Variants in XKR9 observed in about 807,000 individuals in gnomAD.
XKR9 encodes XK-related protein 9.
Under a neutral mutation model 32.0 loss-of-function variants are expected in XKR9, and 32 were observed. That is an observed-to-expected ratio of 1.00 (90% CI 0.76 to 1.34). The LOEUF (loss-of-function observed/expected upper bound fraction) is 1.34. Among genes scored for constraint, XKR9 ranks in the 40% most tolerant of loss-of-function variants. The probability of loss-of-function intolerance (pLI) is 0.00; values close to 1 mark genes in which losing one functional copy is unlikely to be tolerated. For synonymous variants in XKR9, 168 were observed against 143.4 expected (o/e 1.17, Z -1.22); for missense variants, 546 against 429.7 (o/e 1.27, Z -2.39).
chr8:70,760,946 A>G (rs1807300624), intron 2 of XKR9, among the ~76,000 whole-genome samples: 1 of 152,132 alleles, frequency 6.6e-6, no homozygotes, highest in African/African-American at 2.4e-5. Context: ...TCCCACTTAC[A>G]TGTGAGAACA....
At chr8:70,989,951 T>G in the XKR9 span, among the ~76,000 whole-genome samples, 2 of 152,200 alleles carry the variant, frequency 1.3e-5, no homozygotes. Context: ...TCATTTTGTG[T>G]CTCGCTAATT....
chr8:70,850,442 T>A, the XKR9 span, among the ~76,000 whole-genome samples: 3 of 121,096 alleles, frequency 2.5e-5, no homozygotes, highest in African/African-American at 9.7e-5. Flanking sequence ...CCAGCCCTGG[T>A]GACACAGCAA....
the XKR9 span, among the ~76,000 whole-genome samples, chr8:70,851,606 C>A: frequency 6.6e-6 from 1 of 152,080 alleles, no homozygotes; most frequent in Non-Finnish European, 1.5e-5. Flanking sequence ...TGGAACAGAA[C>A]AGAGGCCTCA....
chr8:71,012,186 C>G, the XKR9 span, among the ~76,000 whole-genome samples: 1 of 152,038 alleles, frequency 6.6e-6, no homozygotes, highest in African/African-American at 2.4e-5. Context: ...CAGCCAAGTG[C>G]CAATTCTACA....
the XKR9 span, among the ~76,000 whole-genome samples, chr8:70,982,308 G>A: frequency 2.0e-5 from 3 of 152,288 alleles, no homozygotes; most frequent in South Asian, 2.1e-4. Flanking sequence ...CCACCAGGTC[G>A]GGGCAGGGAT....
At chr8:70,820,903 C>T in the XKR9 span, among the ~76,000 whole-genome samples, 5 of 152,152 alleles carry the variant, frequency 3.3e-5, no homozygotes, top group East Asian at 9.6e-4. Flanking sequence ...CTAACCACAT[C>T]ATTTTGCCTC....
the XKR9 span, among the ~76,000 whole-genome samples, chr8:71,007,444 C>G: frequency 1.3e-5 from 2 of 151,818 alleles, no homozygotes; most frequent in African/African-American, 4.8e-5. Context: ...GAATAAGAAC[C>G]CTGTAAACAA....
the XKR9 span, among the ~76,000 whole-genome samples, chr8:70,910,424 A>G: frequency 2.0e-5 from 3 of 152,232 alleles, no homozygotes; most frequent in African/African-American, 7.2e-5. Flanking sequence ...GTTTCCTAGT[A>G]TGTAAAATGA....
the XKR9 span, among the ~76,000 whole-genome samples, chr8:70,840,789 A>C: frequency 1.3e-5 from 2 of 152,150 alleles, no homozygotes; most frequent in Non-Finnish European, 2.9e-5. Flanking sequence ...GAAATTCACA[A>C]TGTTTACTAC....
the XKR9 span, among the ~76,000 whole-genome samples, chr8:70,929,215 A>G: frequency 6.6e-6 from 1 of 152,216 alleles, no homozygotes; most frequent in Non-Finnish European, 1.5e-5. Context: ...TCTCTAGTCT[A>G]TAGTGGTCAG....
chr8:70,926,236 G>A, the XKR9 span, among the ~76,000 whole-genome samples: 9 of 152,150 alleles, frequency 5.9e-5, no homozygotes, highest in East Asian at 3.9e-4. Context: ...CACCATGCCC[G>A]GCTTTTGTAG....
At chr8:70,874,745 G>A in the XKR9 span, among the ~76,000 whole-genome samples, 1 of 152,148 alleles carries the variant, frequency 6.6e-6, no homozygotes, top group Non-Finnish European at 1.5e-5. Context: ...ATGTCAATAA[G>A]ATTATTTTTT....
At chr8:70,702,931 G>A (rs982977913) in intron 3 of XKR9, among the ~76,000 whole-genome samples, 1 of 152,204 alleles carries the variant, frequency 6.6e-6, no homozygotes, top group African/African-American at 2.4e-5. Context: ...TCTGACTTTT[G>A]TTGTTTCTGG....
At chr8:70,761,054 T>A (rs1807302096) in intron 2 of XKR9, among the ~76,000 whole-genome samples, 1 of 152,244 alleles carries the variant, frequency 6.6e-6, no homozygotes, top group East Asian at 1.9e-4. Flanking sequence ...TATTCTTTTC[T>A]ATGGCTGCAT....
chr8:70,777,787 C>T (rs76019839), intron 2 of XKR9, among the ~76,000 whole-genome samples: 48,528 of 151,854 alleles, frequency 0.32, 9,117 homozygotes, highest in Non-Finnish European at 0.43. Flanking sequence ...TATCCTTTGC[C>T]CAATTTTTGA....
At chr8:70,881,860 C>G in the XKR9 span, among the ~76,000 whole-genome samples, 1 of 152,176 alleles carries the variant, frequency 6.6e-6, no homozygotes, top group African/African-American at 2.4e-5. Flanking sequence ...GACTTGGAAC[C>G]AACCCAAATG....
chr8:70,769,107 C>G (rs1169004895), intron 2 of XKR9, among the ~76,000 whole-genome samples: 1 of 151,426 alleles, frequency 6.6e-6, no homozygotes, highest in East Asian at 1.9e-4. Context: ...TTTAGGAGCT[C>G]TTGTAAGGCA....
intron 2 of XKR9, among the ~76,000 whole-genome samples, chr8:70,767,525 G>C (rs1807395432): frequency 8.5e-6 from 1 of 117,248 alleles, no homozygotes. Context: ...TTGAGATGGA[G>C]TCTCGCTCTG....
chr8:70,684,546 A>G (rs1458064557), intron 3 of XKR9, among the ~76,000 whole-genome samples: 1 of 145,640 alleles, frequency 6.9e-6, no homozygotes, highest in Admixed American at 6.9e-5. Flanking sequence ...TAAAATTAAG[A>G]TCAATTAAAT....
Sources: allele counts gnomAD v4.1 joint callset (sites outside exome capture counted in the v4.1 genomes callset), GRCh38; gene constraint gnomAD v4.1.1; transcripts MANE v1.5; gene names NCBI Gene and HGNC (gene_info 2026-07-23, HGNC 2026-07-21).